Variants in VCAN observed in about 807,000 individuals in gnomAD.
VCAN encodes the protein versican core protein.
In VCAN, 44 loss-of-function variants were observed where a neutral mutation model predicts 245.5. That is an observed-to-expected ratio of 0.18 (90% CI 0.14 to 0.23). The LOEUF (loss-of-function observed/expected upper bound fraction) is 0.23, where lower values mean the gene tolerates loss of function less well. Among genes scored for constraint, VCAN ranks in the 10% least tolerant of loss-of-function variants. The pLI is 1.00. For missense variants in VCAN, 3,793 were observed against 4,057.9 expected (o/e 0.93, Z 1.77); for synonymous variants, 1,413 against 1,437.0 (o/e 0.98, Z 0.38).
At position 83,512,284 on chromosome 5, in the gene VCAN, G is replaced by A. The variant is rs886060818; in HGVS notation, c.930G>A (p.Val310=). ...SDASVRHPVT[V]ARAQCGGGLL... ...CCAGCGTGCGCCACCCTGTGACTGT[G>A]GCCAGGGCCCAGTGTGGAGGTGGTC... Residue 310 remains valine (V), a synonymous_variant, in exon 6 of 15, where the codon GTG becomes GTA. Transcript: ENST00000265077. 1 of 1,614,172 alleles carries A rather than the reference G, an allele frequency of 6.2e-7. No individual in the cohort carries two copies.
chr5:83,471,793 C>G lies in VCAN; in HGVS notation c.-237C>G, dbSNP rs1270703575. The stretch of plus-strand genomic sequence containing the variant: ...CCCCGAGCCTTTCTGGGGAAGAACT[C>G]CAGGCGTGCGGACGCAACAGCCGAG... On this transcript the variant is annotated 5_prime_UTR_variant, in exon 1 of 15. Coordinates refer to ENST00000265077, the MANE Select transcript of VCAN (RefSeq NM_004385.5). 2 of 398,720 alleles carry G rather than the reference C, an allele frequency of 5.0e-6. No individual in the cohort carries two copies. The highest frequency in any genetic ancestry group is 8.8e-6 in the Non-Finnish European group (2 of 226,268). 24.7% of individuals were successfully genotyped at this position (398,720 alleles called of 1,614,324 possible). A position where few individuals can be genotyped will look rare whatever the true frequency, so the allele number is the denominator to read the frequency against.
chr5:83,560,236 A>G (rs996889187), intron 12 of VCAN, among the ~76,000 whole-genome samples: 3 of 152,134 alleles, frequency 2.0e-5, no homozygotes, highest in Non-Finnish European at 2.9e-5. Flanking sequence ...CAGGTTTTCC[A>G]TGAAACTTTA....
Position 83,541,869 on chromosome 5 carries a change from G to C in VCAN, c.8866G>C (p.Ala2956Pro), listed in dbSNP as rs1409484279. Residue 2956 changes from alanine to proline, a missense_variant, in exon 8 of 15, where the codon GCT (alanine) becomes CCT (proline). Ala to Pro is a conservative substitution (Grantham distance 27, BLOSUM62 -1). This residue lies in a region of VCAN where 3,182 missense variants were observed against 3,250.3 expected (regional missense o/e 0.98). Transcript: ENST00000265077. ...KMFPTIKTPE[A>P]GTVITTADEI... is the part of the protein sequence containing the mutation. Reference sequence around the variant, plus strand: ...GTTTCCCACCATTAAAACACCTGAGGCTGGAACTGTTATTACAACTGCCGA... The same window carrying C: ...GTTTCCCACCATTAAAACACCTGAGCCTGGAACTGTTATTACAACTGCCGA... 1 of 1,614,044 alleles carries C rather than the reference G, an allele frequency of 6.2e-7. No individual in the cohort carries two copies. The highest frequency in any genetic ancestry group is 8.5e-7 in the Non-Finnish European group (1 of 1,180,002).
chr5:83,503,558 A>G (rs1004949424), intron 5 of VCAN, among the ~76,000 whole-genome samples: 1 of 152,266 alleles, frequency 6.6e-6, no homozygotes, highest in Non-Finnish European at 1.5e-5. Flanking sequence ...CTGCTCCCAA[A>G]TGGACAAAGG....
At position 83,538,050 on chromosome 5, in the gene VCAN, G is replaced by A; in HGVS notation, c.5047G>A (p.Glu1683Lys). 1 of 1,613,976 alleles carries A rather than the reference G, an allele frequency of 6.2e-7. No homozygotes were observed. The change falls in exon 8 of 15, where the codon GAG (glutamate) becomes AAG (lysine). Residue 1683 changes from glutamate to lysine, a missense_variant. This residue lies in a region of VCAN where 3,182 missense variants were observed against 3,250.3 expected (regional missense o/e 0.98). Coordinates refer to ENST00000265077, the MANE Select transcript of VCAN (RefSeq NM_004385.5). ...CAGGATAATCACAGAAAGCTTTTTT[G>A]AGGTTCCTGCAACCACCATTTATCC... ...TSRIITESFF[E>K]VPATTIYPVS... is the part of the protein sequence containing the mutation.
chr5:83,474,245 G>T (rs1744302011), intron 1 of VCAN, among the ~76,000 whole-genome samples: 1 of 152,048 alleles, frequency 6.6e-6, no homozygotes, highest in East Asian at 1.9e-4. Flanking sequence ...GGGAAGGAAG[G>T]GAAGTGGAAG....
At chr5:83,576,439 A>AACTATACAACATTTT (rs1481418038) in intron 13 of VCAN, among the ~76,000 whole-genome samples, 1 of 152,058 alleles carries the variant, frequency 6.6e-6, no homozygotes, top group African/African-American at 2.4e-5. Context: ...TTTCTTGTAT[A>AACTATACAACATTTT]ACTATACAAC....
At chr5:83,514,108 T>C (rs896918710) in intron 6 of VCAN, among the ~76,000 whole-genome samples, 1 of 152,196 alleles carries the variant, frequency 6.6e-6, no homozygotes, top group Non-Finnish European at 1.5e-5. Flanking sequence ...AACAAGGTAC[T>C]TATGTTTAAA....
In VCAN at chr5:83,572,565, T is replaced by C; in HGVS notation, c.9880+5T>C. On this transcript the variant is annotated splice_donor_5th_base_variant and intron_variant, in intron 13 of 14. Coordinates refer to ENST00000265077, the MANE Select transcript of VCAN (RefSeq NM_004385.5). The stretch of plus-strand genomic sequence containing the variant: ...ATACGTGCAAGAAAGGAACAGGTAA[T>C]GATCACCCTGTTAATAATGTGTACT... 6.2e-7 allele frequency: 1 copy of C among 1,613,678 alleles called. No homozygotes were observed. Among genetic ancestry groups the C allele is most frequent in the African/African-American group, 1.3e-5 (1 of 75,024 alleles).
At chr5:83,546,417 A>G (rs932222076) in intron 9 of VCAN, among the ~76,000 whole-genome samples, 4 of 152,090 alleles carry the variant, frequency 2.6e-5, no homozygotes, top group Non-Finnish European at 5.9e-5. Context: ...ATTATACATC[A>G]ATATTGCGAT....
rs199975201 is a variant in VCAN at position 83,522,040 on chromosome 5, C to T, written c.3734C>T (p.Thr1245Ile). The change falls in exon 7 of 15, where the codon ACC (threonine) becomes ATC (isoleucine). Residue 1245 changes from threonine (T) to isoleucine (I), a missense_variant. Transcript: ENST00000265077. ...GACAGGGAACCTGGTGAAGAAACAACCAGTGACATGGTAATCATTGGAGAA... is the reference window on the plus strand; with the variant it reads ...GACAGGGAACCTGGTGAAGAAACAATCAGTGACATGGTAATCATTGGAGAA... Reference protein sequence around the residue: ...LIDREPGEETTSDMVIIGEST... With the variant: ...LIDREPGEETISDMVIIGEST... The T allele has an allele frequency of 1.2e-6, 2 of 1,614,046 alleles. No individual in the cohort carries two copies. The highest frequency in any genetic ancestry group is 1.3e-5 in the African/African-American group (1 of 74,914).
chr5:83,554,322 G>A (rs1346180920), intron 11 of VCAN, among the ~76,000 whole-genome samples: 1 of 152,180 alleles, frequency 6.6e-6, no homozygotes, highest in African/African-American at 2.4e-5. Flanking sequence ...GTTGTTTGAT[G>A]TTCTATTAAA....
intron 1 of VCAN, among the ~76,000 whole-genome samples, chr5:83,476,687 G>A (rs752024534): frequency 1.3e-4 from 20 of 152,042 alleles, no homozygotes; most frequent in Non-Finnish European, 2.4e-4. Flanking sequence ...TGTGTGTGGG[G>A]GGTGCGTGTG....
chr5:83,555,152 C>G, intron 12 of VCAN, 114 bp downstream of exon 12: 1 of 1,036,264 alleles, frequency 9.7e-7, no homozygotes, highest in Non-Finnish European at 1.5e-6. Context: ...ATGACTTGCT[C>G]AAGGTCACTC....
intron 5 of VCAN, among the ~76,000 whole-genome samples, chr5:83,496,324 T>C (rs755828872): frequency 1.3e-5 from 2 of 152,238 alleles, no homozygotes; most frequent in Non-Finnish European, 2.9e-5. Context: ...TGTCCCAATG[T>C]AACCCAACTG....
At chr5:83,576,739 T>C (rs1748498259) in intron 13 of VCAN, among the ~76,000 whole-genome samples, 1 of 152,312 alleles carries the variant, frequency 6.6e-6, no homozygotes, top group Non-Finnish European at 1.5e-5. Flanking sequence ...TTTGGCACTA[T>C]TGGACTTTGA....
intron 12 of VCAN, among the ~76,000 whole-genome samples, chr5:83,557,178 G>A (rs1308153932): frequency 6.6e-6 from 1 of 152,086 alleles, no homozygotes; most frequent in Non-Finnish European, 1.5e-5. Context: ...CAGGTGGAGT[G>A]TACGAAAAAT....
intron 5 of VCAN, among the ~76,000 whole-genome samples, chr5:83,497,022 C>T (rs1745178641): frequency 6.6e-6 from 1 of 152,028 alleles, no homozygotes; most frequent in South Asian, 2.1e-4. Context: ...TTGGGGGAGT[C>T]AAGTGTGTGT....
Position 83,538,413 on chromosome 5 carries a change from G to T in VCAN, c.5410G>T (p.Ala1804Ser). Residue 1804 changes from alanine (A) to serine (S), a missense_variant, in exon 8 of 15, where the codon GCA (alanine) becomes TCA (serine). By Grantham distance (99) the Ala-to-Ser change is moderately conservative (BLOSUM62 1). This residue lies in a region of VCAN where 3,182 missense variants were observed against 3,250.3 expected (regional missense o/e 0.98). Coordinates refer to ENST00000265077, the MANE Select transcript of VCAN (RefSeq NM_004385.5). ...TETNTLENLG[A>S]QTTEHSSIHQ... Reference sequence around the variant, plus strand: ...AACAAATACATTAGAAAATTTGGGGGCACAGACCACTGAGCACAGCAGTAT... The same window carrying T: ...AACAAATACATTAGAAAATTTGGGGTCACAGACCACTGAGCACAGCAGTAT... 6.2e-7 allele frequency: 1 copy of T among 1,613,926 alleles called. No individual in the cohort carries two copies. Among genetic ancestry groups the T allele is most frequent in the Non-Finnish European group, 8.5e-7 (1 of 1,179,952 alleles).
Sources: gnomAD v4.1 joint callset for allele counts (sites outside exome capture counted in the v4.1 genomes callset) on GRCh38, gnomAD v4.1.1 for gene constraint, gnomAD v4.1.1 regional missense constraint, MANE v1.5 for transcripts, NCBI Gene and HGNC (gene_info 2026-07-23, HGNC 2026-07-21) for gene names.